Variants in ZNF528 observed in about 807,000 individuals in gnomAD.
ZNF528 encodes the protein zinc finger protein 528.
In ZNF528, 9 loss-of-function variants were observed where a neutral mutation model predicts 13.3. That is an observed-to-expected ratio of 0.67 (90% CI 0.41 to 1.18). The LOEUF is 1.18. Ranked by LOEUF, ZNF528 falls within the 50% of genes most tolerant of loss-of-function variation. The pLI, the probability that ZNF528 is intolerant of heterozygous loss-of-function variation, is 0.01. For synonymous variants in ZNF528, 264 were observed against 254.3 expected (o/e 1.04, Z -0.36); for missense variants, 858 against 745.4 (o/e 1.15, Z -1.76).
intron 2 of ZNF528, among the ~76,000 whole-genome samples, chr19:52,398,987 A>G (rs1047073646): frequency 6.6e-6 from 1 of 152,132 alleles, no homozygotes; most frequent in African/African-American, 2.4e-5. Context: ...AGGCAGAAAT[A>G]TATGGAGATT....
chr19:52,404,210 G>C (rs1430993723), intron 4 of ZNF528, among the ~76,000 whole-genome samples: 4 of 152,058 alleles, frequency 2.6e-5, no homozygotes, highest in Non-Finnish European at 5.9e-5. Context: ...CAGTAAGATA[G>C]GAACAGATTA....
rs1446724432 is a variant in ZNF528 at position 52,416,461 on chromosome 19, A to C, written c.1609A>C (p.Thr537Pro). ...GGTCTTTAATCAAGCATCATACCTT[A>C]CAAGACATCAAATAATTCATACTGG... is the stretch of plus-strand genomic sequence containing the variant. ...GKVFNQASYL[T>P]RHQIIHTGER... Residue 537 changes from threonine to proline, a missense_variant, in exon 7 of 7, where the codon ACA (threonine) becomes CCA (proline). Transcript: ENST00000360465. 1.2e-6 allele frequency: 2 copies of C among 1,614,194 alleles called. No homozygotes were observed. Among genetic ancestry groups the C allele is most frequent in the African/African-American group, 2.7e-5 (2 of 75,048 alleles).
rs45572533 is a variant in ZNF528 at position 52,415,709 on chromosome 19, A to G, written c.857A>G (p.Gln286Arg). 2 of 1,614,052 alleles carry G rather than the reference A, an allele frequency of 1.2e-6. No individual in the cohort carries two copies. The highest frequency in any genetic ancestry group is 1.7e-6 in the Non-Finnish European group (2 of 1,179,958). ...KVFRSSSKLAQHQRIHTGEKP... is the reference protein window; with the variant it reads ...KVFRSSSKLARHQRIHTGEKP... ...TTTCGAAGCAGTTCAAAGCTTGCAC[A>G]ACATCAAAGAATTCATACTGGAGAG... Residue 286 changes from glutamine to arginine, a missense_variant, in exon 7 of 7, where the codon CAA becomes CGA. Coordinates refer to ENST00000360465, the MANE Select transcript of ZNF528 (RefSeq NM_032423.3).
chr19:52,417,594 G>A lies in ZNF528; in HGVS notation c.*855G>A, dbSNP rs1428993583. 6 of 152,450 alleles carry A rather than the reference G, an allele frequency of 3.9e-5. No individual in the cohort carries two copies. Among genetic ancestry groups the A allele is most frequent in the Non-Finnish European group, 5.9e-5 (4 of 68,326 alleles). 9.4% of individuals were successfully genotyped at this position (152,450 alleles called of 1,614,324 possible). A position where few individuals can be genotyped will look rare whatever the true frequency, so the allele number is the denominator to read the frequency against. On this transcript the variant is annotated 3_prime_UTR_variant, in exon 7 of 7. Transcript: ENST00000360465. ...TCTCCATTGAACAGCAGTACCTGCT[G>A]TTTAGCAAAGACTGATGAGAAGTAG...
chr19:52,410,594 G>T (rs950518494), intron 6 of ZNF528, among the ~76,000 whole-genome samples: 4 of 152,130 alleles, frequency 2.6e-5, no homozygotes, highest in Admixed American at 2.0e-4. Flanking sequence ...TGTCTCTCAG[G>T]CCATCGGCTC....
intron 4 of ZNF528, 50 bp from the exon 5 acceptor site, chr19:52,405,857 G>A (rs2608512): frequency 2.5e-6 from 4 of 1,595,730 alleles, no homozygotes; most frequent in Middle Eastern, 1.8e-4. Flanking sequence ...TCTTTGTGAC[G>A]ATGAGTACTG....
At chr19:52,415,039 G>A (rs2058981666) in intron 6 of ZNF528, 85 bp from the exon 7 acceptor site, 3 of 1,593,638 alleles carry the variant, frequency 1.9e-6, no homozygotes, top group Non-Finnish European at 2.6e-6. Flanking sequence ...GTCTGAGTCA[G>A]GTGAGGCAGA....
rs747302784 is a variant in ZNF528 at position 52,416,243 on chromosome 19, C to A, written c.1391C>A (p.Pro464His). 1 of 1,613,916 alleles carries A rather than the reference C, an allele frequency of 6.2e-7. No homozygotes were observed. Among genetic ancestry groups the A allele is most frequent in the South Asian group, 1.1e-5 (1 of 91,050 alleles). The change falls in exon 7 of 7, where the codon CCT becomes CAT. Residue 464 changes from proline to histidine, a missense_variant. Pro to His is a moderately conservative substitution (Grantham distance 77). Transcript: ENST00000360465. ...TTTCTAATCCATAGTGGAGAGAAAC[C>A]TTATGAATGTAAAGAATGTGGCAAA... ...AHFLIHSGEKPYECKECGKVF... is the reference protein window; with the variant it reads ...AHFLIHSGEKHYECKECGKVF...
At chr19:52,406,087 T>G (rs1229875638) in intron 5 of ZNF528, 54 bp downstream of exon 5, 2 of 1,569,016 alleles carry the variant, frequency 1.3e-6, no homozygotes, top group African/African-American at 1.4e-5. Flanking sequence ...ATCTCTGAAT[T>G]GTGTCTTATA....
intron 6 of ZNF528, chr19:52,414,337 G>A (rs162124): frequency 0.69 from 487,615 of 702,060 alleles, 174,575 homozygotes; most frequent in Non-Finnish European, 0.78. Flanking sequence ...GGGACTGAAC[G>A]AAGGGGGCGA....
chr19:52,399,095 T>A (rs1406899869), intron 2 of ZNF528, among the ~76,000 whole-genome samples: 2 of 149,252 alleles, frequency 1.3e-5, no homozygotes, highest in African/African-American at 5.0e-5. Flanking sequence ...GAGGGAAGAA[T>A]GGGACAAAGA....
chr19:52,401,339 G>T (rs1206474880), intron 2 of ZNF528, among the ~76,000 whole-genome samples: 1 of 152,158 alleles, frequency 6.6e-6, no homozygotes, highest in Non-Finnish European at 1.5e-5. Context: ...CTGTCAGAAT[G>T]TGCTTAAAAT....
At chr19:52,404,910 C>T (rs1011118376) in intron 4 of ZNF528, among the ~76,000 whole-genome samples, 1 of 151,656 alleles carries the variant, frequency 6.6e-6, no homozygotes, top group Non-Finnish European at 1.5e-5. Context: ...AGATTTTGAC[C>T]ATTCTTAAAA....
At chr19:52,403,891 A>G (rs1178628152) in intron 4 of ZNF528, among the ~76,000 whole-genome samples, 3 of 152,146 alleles carry the variant, frequency 2.0e-5, no homozygotes, top group East Asian at 3.9e-4. Context: ...AAATTTTTCT[A>G]TACTATCATG....
chr19:52,418,359 T>C lies in ZNF528; in HGVS notation c.*1620T>C, dbSNP rs1000240560. 4 of 152,214 alleles carry C rather than the reference T, an allele frequency of 2.6e-5. No homozygotes were observed. The highest frequency in any genetic ancestry group is 2.0e-4 in the Admixed American group (3 of 15,276). 9.4% of individuals were successfully genotyped at this position (152,214 alleles called of 1,614,324 possible). ...TTGCAACCATTTGATTTAGAATGTA[T>C]GCAGCTCTCATGTTTGTAGTAATAA... On this transcript the variant is annotated 3_prime_UTR_variant, in exon 7 of 7. Coordinates refer to ENST00000360465, the MANE Select transcript of ZNF528 (RefSeq NM_032423.3).
At chr19:52,399,943 G>A (rs1444670758) in intron 2 of ZNF528, among the ~76,000 whole-genome samples, 2 of 152,126 alleles carry the variant, frequency 1.3e-5, no homozygotes, top group East Asian at 3.9e-4. Flanking sequence ...TCTCCTTTGG[G>A]TGTGAGAGTA....
chr19:52,406,518 T>C lies in ZNF528; in HGVS notation c.146T>C (p.Ile49Thr). The C allele has an allele frequency of 6.2e-7, 1 of 1,612,838 alleles. No homozygotes were observed. The highest frequency in any genetic ancestry group is 8.5e-7 in the Non-Finnish European group (1 of 1,179,694). The change falls in exon 6 of 7, where the codon ATC becomes ACC. Residue 49 changes from isoleucine to threonine, a missense_variant. Ile to Thr is a moderately conservative substitution (Grantham distance 89). Coordinates refer to ENST00000360465, the MANE Select transcript of ZNF528 (RefSeq NM_032423.3). Reference sequence around the variant, plus strand: ...TTATTCTTTCTTTTATAAATAGGAATCTGTCTTCCTGACCTGAGTGTTACC... The same window carrying C: ...TTATTCTTTCTTTTATAAATAGGAACCTGTCTTCCTGACCTGAGTGTTACC... ...ENYRNLVSLG[I>T]CLPDLSVTSM...
In ZNF528 at chr19:52,416,190, TAG is replaced by T. The variant is rs767108638; in HGVS notation, c.1343_1344del (p.Glu448ValfsTer12). 4 of 1,613,792 alleles carry T rather than the reference TAG, an allele frequency of 2.5e-6. No individual in the cohort carries two copies. Among genetic ancestry groups the T allele is most frequent in the Non-Finnish European group, 3.4e-6 (4 of 1,179,880 alleles). On this transcript the variant is annotated frameshift_variant, in exon 7 of 7. Transcript: ENST00000360465. LOFTEE classifies it low-confidence loss of function (END_TRUNC). ...YKCNKCGTAF[R>X]EFSDLTAHFL... ...AATGTAATAAATGTGGCACAGCGTTTAGAGAGTTTTCAGACCTTACTGCCCAT... is the reference window on the plus strand; with the variant it reads ...AATGTAATAAATGTGGCACAGCGTTTAGAGTTTTCAGACCTTACTGCCCAT...
intron 6 of ZNF528, chr19:52,414,826 G>C: frequency 1.3e-6 from 1 of 765,228 alleles, no homozygotes; most frequent in South Asian, 1.5e-5. Context: ...TTGGATTTCT[G>C]ATTTTCCCTA....
Sources: allele counts gnomAD v4.1 joint callset (sites outside exome capture counted in the v4.1 genomes callset), GRCh38; gene constraint gnomAD v4.1.1; transcripts MANE v1.5; gene names NCBI Gene and HGNC (gene_info 2026-07-23, HGNC 2026-07-21).